The following NKIRAS1 variants were observed in gnomAD, a reference collection of about 807,000 sequenced individuals.
The protein encoded by NKIRAS1 is NF-kappa-B inhibitor-interacting Ras-like protein 1.
NKIRAS1 carries 16 observed loss-of-function variants against 19.8 expected under a neutral mutation model. That is an observed-to-expected ratio of 0.81 (90% CI 0.55 to 1.23). NKIRAS1 has a LOEUF of 1.23. Ranked by LOEUF, NKIRAS1 falls within the 50% of genes most tolerant of loss-of-function variation. The probability of loss-of-function intolerance (pLI) is 0.00; values close to 1 mark genes in which losing one functional copy is unlikely to be tolerated. For missense variants in NKIRAS1, 184 were observed against 220.0 expected, an observed-to-expected ratio of 0.84 and a Z score of 1.04; for synonymous variants, 88 against 79.0, an observed-to-expected ratio of 1.11 and a Z score of -0.61.
intron 1 of NKIRAS1, chr3:23,945,557 C>A (rs1431283645): frequency 2.6e-6 from 3 of 1,156,192 alleles, no homozygotes; most frequent in Non-Finnish European, 3.2e-6. Flanking sequence ...CGGGCGGCCC[C>A]GGCCGCCTCC....
chr3:23,906,986 C>T (rs911527739), intron 3 of NKIRAS1, among the ~76,000 whole-genome samples: 2 of 152,034 alleles, frequency 1.3e-5, no homozygotes, highest in African/African-American at 4.8e-5. Context: ...CTCTGCCTCC[C>T]GGGTTCAAGA....
intron 2 of NKIRAS1, 88 bp from the exon 3 acceptor site, chr3:23,911,009 C>A: frequency 1.0e-6 from 1 of 979,630 alleles, no homozygotes; most frequent in Non-Finnish European, 1.6e-6. Context: ...TAATATGTAA[C>A]ACATGCACAG....
chr3:23,933,686 C>T (rs1705351571), intron 1 of NKIRAS1, among the ~76,000 whole-genome samples: 1 of 152,154 alleles, frequency 6.6e-6, no homozygotes, highest in African/African-American at 2.4e-5. Context: ...CGTGCATTCT[C>T]AAGGGGGTAA....
chr3:23,938,310 A>G (rs1705434154), intron 1 of NKIRAS1, among the ~76,000 whole-genome samples: 1 of 151,650 alleles, frequency 6.6e-6, no homozygotes, highest in African/African-American at 2.4e-5. Flanking sequence ...CCCAGGCTCA[A>G]ACGATCCTCC....
At chr3:23,904,040 C>G (rs1702778110) in intron 3 of NKIRAS1, among the ~76,000 whole-genome samples, 1 of 152,108 alleles carries the variant, frequency 6.6e-6, no homozygotes, top group Non-Finnish European at 1.5e-5. Context: ...TGGTGCGCAC[C>G]TGTAATTGCA....
At chr3:23,941,422 C>T (rs982738534) in intron 1 of NKIRAS1, among the ~76,000 whole-genome samples, 13 of 152,156 alleles carry the variant, frequency 8.5e-5, no homozygotes, top group Non-Finnish European at 1.8e-4. Flanking sequence ...GGTAGCTTTC[C>T]TAGAAAGTAA....
intron 1 of NKIRAS1, among the ~76,000 whole-genome samples, chr3:23,913,386 G>T (rs1336499978): frequency 6.6e-6 from 1 of 152,104 alleles, no homozygotes; most frequent in Non-Finnish European, 1.5e-5. Context: ...AAACAAAGAT[G>T]AAAAGATAAG....
chr3:23,919,631 T>TAA (rs1012139842), upstream of NKIRAS1: 1 of 1,422,546 alleles, frequency 7.0e-7, no homozygotes, highest in Non-Finnish European at 9.1e-7. Context: ...TTAAGAAAGT[T>TAA]AAAGTGCAAT....
chr3:23,920,879 G>A (rs1705042607), upstream of NKIRAS1: 1 of 669,478 alleles, frequency 1.5e-6, no homozygotes, highest in East Asian at 1.4e-4. Flanking sequence ...TCATCTTACA[G>A]TGCTAATGTA....
intron 4 of NKIRAS1, among the ~76,000 whole-genome samples, chr3:23,895,575 G>A (rs1266348140): frequency 6.6e-6 from 1 of 151,992 alleles, no homozygotes; most frequent in East Asian, 1.9e-4. Flanking sequence ...CCCCTCCCTT[G>A]TTAAATTTAA....
intron 4 of NKIRAS1, among the ~76,000 whole-genome samples, chr3:23,894,351 T>C (rs1037889945): frequency 6.6e-6 from 1 of 152,214 alleles, no homozygotes; most frequent in Non-Finnish European, 1.5e-5. Context: ...ACCACTACTG[T>C]CTTCCTTCCT....
chr3:23,900,164 A>AAAAAAC (rs1266850685), intron 4 of NKIRAS1, among the ~76,000 whole-genome samples: 12 of 152,092 alleles, frequency 7.9e-5, no homozygotes, highest in Admixed American at 7.9e-4. Flanking sequence ...TCAGTCTCAA[A>AAAAAAC]AAAAACAAAA....
upstream of NKIRAS1, chr3:23,919,330 C>G: frequency 1.2e-6 from 2 of 1,603,054 alleles, no homozygotes; most frequent in Non-Finnish European, 1.7e-6. Context: ...ATCCTGACAC[C>G]CAGTGGATCA....
At position 23,893,331 on chromosome 3, in the gene NKIRAS1, T is replaced by A. The variant is rs1483287759; in HGVS notation, c.343A>T (p.Ile115Phe). The A allele has an allele frequency of 1.2e-6, 2 of 1,612,862 alleles. No individual in the cohort carries two copies. Among genetic ancestry groups the A allele is most frequent in the African/African-American group, 2.7e-5 (2 of 74,864 alleles). Residue 115 changes from isoleucine (I) to phenylalanine (F), a missense_variant, in exon 5 of 5, where the codon ATT (isoleucine) becomes TTT (phenylalanine). Ile to Phe is a conservative substitution (Grantham distance 21). Coordinates refer to ENST00000425478, the MANE Select transcript of NKIRAS1 (RefSeq NM_020345.4). ...DKFKDKKEVA[I>F]VVLGNKIDLS... ...TCGATTTTGTTTCCTAATACCACAATTGCTACCTGAAAGAAAACGGATTGA... is the reference window on the plus strand; with the variant it reads ...TCGATTTTGTTTCCTAATACCACAAATGCTACCTGAAAGAAAACGGATTGA...
At chr3:23,919,673 T>C, upstream of NKIRAS1, 1 of 1,399,670 alleles carries the variant, frequency 7.1e-7, no homozygotes, top group Non-Finnish European at 9.2e-7. Context: ...GTGGTGTATC[T>C]TGTTTCTAAT....
At chr3:23,918,734 G>A (rs1475937696), upstream of NKIRAS1, 43 of 865,294 alleles carry the variant, frequency 5.0e-5, no homozygotes, top group Non-Finnish European at 7.3e-5. Flanking sequence ...TTGCTTGAAA[G>A]ACTTGTCTTT....
chr3:23,908,148 G>A (rs977608957), intron 3 of NKIRAS1, among the ~76,000 whole-genome samples: 2 of 152,144 alleles, frequency 1.3e-5, no homozygotes, highest in African/African-American at 4.8e-5. Context: ...AAGTGATATG[G>A]AAGACTTCCT....
chr3:23,902,176 T>C (rs992128364), intron 3 of NKIRAS1, among the ~76,000 whole-genome samples: 2 of 152,236 alleles, frequency 1.3e-5, no homozygotes, highest in Non-Finnish European at 2.9e-5. Flanking sequence ...TACTATGTTA[T>C]AGTTTTTTTT....
chr3:23,936,854 G>GA (rs1705404294), intron 1 of NKIRAS1, among the ~76,000 whole-genome samples: 1 of 152,190 alleles, frequency 6.6e-6, no homozygotes, highest in Non-Finnish European at 1.5e-5. Context: ...GCGCCCGGCT[G>GA]AAAAATTGCA....
Sources: allele counts gnomAD v4.1 joint callset (sites outside exome capture counted in the v4.1 genomes callset), GRCh38; gene constraint gnomAD v4.1.1; transcripts MANE v1.5; gene names NCBI Gene and HGNC (gene_info 2026-07-23, HGNC 2026-07-21).